The following ZNF485 variants were observed in gnomAD, a reference collection of about 807,000 sequenced individuals.
ZNF485 encodes Zinc finger protein 93 (Zinc finger protein HTF34).
A neutral mutation model predicts 10.8 loss-of-function variants in ZNF485; 9 were observed. That is an observed-to-expected ratio of 0.83 (90% confidence interval 0.50 to 1.45). The LOEUF (loss-of-function observed/expected upper bound fraction) is 1.45, where lower values mean the gene tolerates loss of function less well. Among genes scored for constraint, ZNF485 ranks in the 40% most tolerant of loss-of-function variants. The probability of loss-of-function intolerance (pLI) is 0.00; values close to 1 mark genes in which losing one functional copy is unlikely to be tolerated. For synonymous variants in ZNF485, 187 were observed against 181.0 expected (o/e 1.03, Z -0.27); for missense variants, 487 against 528.0 (o/e 0.92, Z 0.76).
At chr10:43,611,200 T>A (rs1838761295) in intron 4 of ZNF485, among the ~76,000 whole-genome samples, 1 of 152,024 alleles carries the variant, frequency 6.6e-6, no homozygotes. Context: ...CACACCTGGC[T>A]AAATTTTTTT....
chr10:43,615,631 A>G lies in ZNF485; in HGVS notation c.248-660A>G, dbSNP rs531078453. On this transcript the variant is annotated intron_variant, in intron 4 of 4. Transcript: ENST00000361807. ...TGGCCAGGCTGGGCTCGAACTCCTG[A>G]CCTCAAGTAATCCACCCGTCTCGGC... 2.2e-3 allele frequency among the ~76,000 whole-genome samples: 341 copies of G among 152,248 alleles called. 1 individual carries two copies. Among genetic ancestry groups the G allele is most frequent in the African/African-American group, 7.7e-3 (318 of 41,540 alleles).
intron 4 of ZNF485, 58 bp from the exon 5 acceptor site, chr10:43,616,233 C>T (rs1164592575): frequency 1.6e-5 from 22 of 1,372,514 alleles, no homozygotes; most frequent in African/African-American, 2.9e-5. Flanking sequence ...CCTTGCACAA[C>T]TCTCACTTTC....
intron 1 of ZNF485, 75 bp from the exon 2 acceptor site, chr10:43,606,922 A>G: frequency 8.5e-7 from 1 of 1,174,280 alleles, no homozygotes; most frequent in Non-Finnish European, 1.2e-6. Context: ...GCGGGCGGGG[A>G]CCTGGTCTAG....
chr10:43,607,074 G>A lies in ZNF485; in HGVS notation c.24G>A (p.Gln8=), dbSNP rs931112430. The A allele has an allele frequency of 6.4e-7, 1 of 1,551,606 alleles. No homozygotes were observed. Among genetic ancestry groups the A allele is most frequent in the Admixed American group, 2.0e-5 (1 of 51,000 alleles). ...AGATGGCCCCAAGAGCCCAGATCCA[G>A]GCAAGTTTGATTTTTCCATTTCTTG... MAPRAQI[Q]GPLTFGDVAV... The change falls in exon 2 of 5, where the codon CAG becomes CAA. Residue 8 remains glutamine, a splice_region_variant and synonymous_variant. Coordinates refer to ENST00000361807, the MANE Select transcript of ZNF485 (RefSeq NM_145312.4).
At chr10:43,610,249 C>G (rs1269826576) in intron 4 of ZNF485, among the ~76,000 whole-genome samples, 1 of 152,106 alleles carries the variant, frequency 6.6e-6, no homozygotes, top group Non-Finnish European at 1.5e-5. Context: ...TTGTATGTCA[C>G]TTTCTCTGTG....
chr10:43,617,785 A>C lies in ZNF485; in HGVS notation c.*416A>C, dbSNP rs1328435437. On this transcript the variant is annotated 3_prime_UTR_variant, in exon 5 of 5. Transcript: ENST00000361807. ...CCATCTCTAAGTAAAAAAATACAAC[A>C]GTAGAAATATACCCATGATAATATA... The C allele has an allele frequency of 6.2e-6, 1 of 160,208 alleles. No homozygotes were observed. Among genetic ancestry groups the C allele is most frequent in the Non-Finnish European group, 1.4e-5 (1 of 72,912 alleles). 9.9% of individuals were successfully genotyped at this position (160,208 alleles called of 1,614,324 possible).
Position 43,616,734 on chromosome 10 carries a change from A to G in ZNF485, c.691A>G (p.Ser231Gly). The change falls in exon 5 of 5, where the codon AGT becomes GGT. Residue 231 changes from serine (S) to glycine (G), a missense_variant. Transcript: ENST00000361807. ...KTFRKNSILL[S>G]HQRIHTGQKP... ...TTTCAGAAAGAACTCAATCCTTTTA[A>G]GTCATCAGAGAATTCATACTGGCCA... The G allele has an allele frequency of 6.2e-7, 1 of 1,614,104 alleles. No individual in the cohort carries two copies. The highest frequency in any genetic ancestry group is 8.5e-7 in the Non-Finnish European group (1 of 1,180,012).
rs773925758 is a variant in ZNF485 at position 43,617,148 on chromosome 10, C to T, written c.1105C>T (p.Leu369Phe). The change falls in exon 5 of 5, where the codon CTT (leucine) becomes TTT (phenylalanine). Residue 369 changes from leucine to phenylalanine, a missense_variant. Transcript: ENST00000361807. ...GAAGGCCTTTACAAAGAGCTCAACC[C>T]TTACTGGACATCAGAGAATTCATAC... The part of the protein sequence containing the change: ...CGKAFTKSST[L>F]TGHQRIHTGE... 1.4e-5 allele frequency: 22 copies of T among 1,614,050 alleles called. No homozygotes were observed. Among genetic ancestry groups the T allele is most frequent in the Non-Finnish European group, 1.8e-5 (21 of 1,180,028 alleles).
Position 43,616,979 on chromosome 10 carries a change from TC to T in ZNF485, c.937del (p.Ile314LeufsTer125). ...CGKAFRKSSTLISHQRMHTGE... is the reference protein window; with the variant it reads ...CGKAFRKSSTXISHQRMHTGE... ...GAAAAGCCTTTAGGAAGAGCTCAAC[TC>T]TTATTAGTCACCAAAGAATGCATAC... On this transcript the variant is annotated frameshift_variant, in exon 5 of 5. Coordinates refer to ENST00000361807, the MANE Select transcript of ZNF485 (RefSeq NM_145312.4). LOFTEE classifies it low-confidence loss of function (END_TRUNC). 1.2e-6 allele frequency: 2 copies of T among 1,614,134 alleles called. No homozygotes were observed. Among genetic ancestry groups the T allele is most frequent in the Non-Finnish European group, 1.7e-6 (2 of 1,180,044 alleles).
Position 43,606,466 on chromosome 10 carries a change from C to T in ZNF485, c.-135C>T. 1 of 402,758 alleles carries T rather than the reference C, an allele frequency of 2.5e-6. No homozygotes were observed. Among genetic ancestry groups the T allele is most frequent in the Non-Finnish European group, 4.7e-6 (1 of 214,748 alleles). 24.9% of individuals were successfully genotyped at this position (402,758 alleles called of 1,614,324 possible). A position where few individuals can be genotyped will look rare whatever the true frequency, so the allele number is the denominator to read the frequency against. ...GTGCGAGCGCTGCACCAGCCCCTGGCTGGTGGTTACTGTCCGAACGGCGTG... is the reference window on the plus strand; with the variant it reads ...GTGCGAGCGCTGCACCAGCCCCTGGTTGGTGGTTACTGTCCGAACGGCGTG... On this transcript the variant is annotated 5_prime_UTR_variant, in exon 1 of 5. Coordinates refer to ENST00000361807, the MANE Select transcript of ZNF485 (RefSeq NM_145312.4).
Position 43,616,755 on chromosome 10 carries a change from G to A in ZNF485, c.712G>A (p.Gly238Ser). 6.2e-7 allele frequency: 1 copy of A among 1,614,106 alleles called. No homozygotes were observed. Among genetic ancestry groups the A allele is most frequent in the Non-Finnish European group, 8.5e-7 (1 of 1,180,036 alleles). ...ILLSHQRIHT[G>S]QKPYKCNDCG... ...TTTAAGTCATCAGAGAATTCATACT[G>A]GCCAGAAACCCTACAAATGTAATGA... Residue 238 changes from glycine (G) to serine (S), a missense_variant, in exon 5 of 5, where the codon GGC (glycine) becomes AGC (serine). Physicochemically the swap from Gly to Ser is moderately conservative, Grantham distance 56. Transcript: ENST00000361807.
chr10:43,616,312 CA>C lies in ZNF485; in HGVS notation c.272del (p.Lys91ArgfsTer5). On this transcript the variant is annotated frameshift_variant, in exon 5 of 5. Transcript: ENST00000361807. LOFTEE classifies it low-confidence loss of function (END_TRUNC). ...TCAGTCGAGGATTACTGGTTTGAAA[CA>C]AAGATGTCAGCCCTAAAGCAAAGCA... ...THAVEDYWFE[T>X]KMSALKQSTS... 6.4e-7 allele frequency: 1 copy of C among 1,565,992 alleles called. No homozygotes were observed. The highest frequency in any genetic ancestry group is 8.6e-7 in the Non-Finnish European group (1 of 1,159,906).
Position 43,617,350 on chromosome 10 carries a change from G to T in ZNF485, c.1307G>T (p.Arg436Ile), listed in dbSNP as rs1019487627. The T allele has an allele frequency of 1.9e-6, 3 of 1,556,866 alleles. No homozygotes were observed. The highest frequency in any genetic ancestry group is 2.6e-6 in the Non-Finnish European group (3 of 1,156,542). ...KQHKKIHNKE[R>I]AMKCS ...CATAAGAAAATTCATAATAAAGAAAGAGCCATGAAATGTAGTTAGTGTGGC... is the reference window on the plus strand; with the variant it reads ...CATAAGAAAATTCATAATAAAGAAATAGCCATGAAATGTAGTTAGTGTGGC... The change falls in exon 5 of 5, where the codon AGA becomes ATA. Residue 436 changes from arginine to isoleucine, a missense_variant. Transcript: ENST00000361807.
intron 2 of ZNF485, among the ~76,000 whole-genome samples, chr10:43,607,918 G>A (rs1227839653): frequency 2.6e-5 from 4 of 152,134 alleles, no homozygotes; most frequent in Admixed American, 2.0e-4. Context: ...GAACCTTTGT[G>A]TCTTTAGCTA....
In ZNF485 at chr10:43,616,396, T is replaced by C; in HGVS notation, c.353T>C (p.Leu118Pro). ...RTKSVMMEKG[L>P]DWEGRSSTEK... ...AAAAGTGTCATGATGGAAAAAGGCC[T>C]GGACTGGGAGGGCAGAAGCTCCACA... Residue 118 changes from leucine to proline, a missense_variant, in exon 5 of 5, where the codon CTG (leucine) becomes CCG (proline). Transcript: ENST00000361807. 1.2e-6 allele frequency: 2 copies of C among 1,614,160 alleles called. No individual in the cohort carries two copies. The highest frequency in any genetic ancestry group is 1.7e-6 in the Non-Finnish European group (2 of 1,180,020).
At position 43,608,637 on chromosome 10, in the gene ZNF485, G is replaced by C; in HGVS notation, c.48G>C (p.Val16=). ...AGGGACCGCTGACATTTGGGGATGT[G>C]GCTGTGGCCTTTACCCGGATTGAGT... is the stretch of plus-strand genomic sequence containing the variant. ...QIQGPLTFGD[V]AVAFTRIEWR... Residue 16 remains valine (V), a synonymous_variant, in exon 3 of 5, where the codon GTG becomes GTC. Transcript: ENST00000361807. The C allele has an allele frequency of 1.2e-6, 2 of 1,614,078 alleles. No homozygotes were observed. The highest frequency in any genetic ancestry group is 1.7e-6 in the Non-Finnish European group (2 of 1,179,972).
Position 43,617,449 on chromosome 10 carries a change from A to G in ZNF485, c.*80A>G, listed in dbSNP as rs1838888196. 13 of 1,015,862 alleles carry G rather than the reference A, an allele frequency of 1.3e-5. No homozygotes were observed. Among genetic ancestry groups the G allele is most frequent in the African/African-American group, 4.8e-5 (3 of 62,434 alleles). 62.9% of individuals were successfully genotyped at this position (1,015,862 alleles called of 1,614,324 possible). Reference sequence around the variant, plus strand: ...TAAATAAATTATGCATTTAACAGAAATACTCTGTACTTCTGAGAGAACACA... The same window carrying G: ...TAAATAAATTATGCATTTAACAGAAGTACTCTGTACTTCTGAGAGAACACA... On this transcript the variant is annotated 3_prime_UTR_variant, in exon 5 of 5. Transcript: ENST00000361807.
intron 4 of ZNF485, among the ~76,000 whole-genome samples, chr10:43,610,867 T>C (rs1838755898): frequency 6.6e-6 from 1 of 152,226 alleles, no homozygotes; most frequent in Admixed American, 6.5e-5. Context: ...GGCATCCCTG[T>C]GTCAGTTTCT....
intron 3 of ZNF485, 78 bp downstream of exon 3, chr10:43,608,818 T>C: frequency 6.5e-7 from 1 of 1,546,308 alleles, no homozygotes; most frequent in South Asian, 1.2e-5. Context: ...TGGTTTGGGG[T>C]ATTGAAAAAA....
Sources: allele counts gnomAD v4.1 joint callset (sites outside exome capture counted in the v4.1 genomes callset), GRCh38; gene constraint gnomAD v4.1.1; transcripts MANE v1.5; gene names NCBI Gene and HGNC (gene_info 2026-07-23, HGNC 2026-07-21).